Variants in NPTN observed in about 807,000 individuals in gnomAD.
NPTN encodes neuroplastin, also known as SDR-1.
In NPTN, 5 loss-of-function variants were observed where a neutral mutation model predicts 42.7. That is an observed-to-expected ratio of 0.12 (90% CI 0.06 to 0.25). The LOEUF (loss-of-function observed/expected upper bound fraction) is 0.25. Among genes scored for constraint, NPTN ranks in the 10% least tolerant of loss-of-function variants. NPTN has a pLI of 1.00. For synonymous variants in NPTN, 180 were observed against 201.9 expected (o/e 0.89, Z 0.92); for missense variants, 307 against 525.4 (o/e 0.58, Z 4.06).
At chr15:73,562,072 G>A (rs943117149) in intron 7 of NPTN, 102 bp from the exon 8 acceptor site, 2 of 834,422 alleles carry the variant, frequency 2.4e-6, no homozygotes, top group Non-Finnish European at 1.9e-6. Flanking sequence ...TGCCATCCCT[G>A]GTGTAGTGAG....
At chr15:73,567,443 C>T (rs2141354085) in intron 6 of NPTN, 1 of 985,294 alleles carries the variant, frequency 1.0e-6, no homozygotes, top group South Asian at 4.7e-5. Context: ...ATATAATGTA[C>T]CTCTTCGTTT....
chr15:73,583,532 T>C (rs1896164555), intron 4 of NPTN, among the ~76,000 whole-genome samples: 1 of 152,064 alleles, frequency 6.6e-6, no homozygotes, highest in South Asian at 2.1e-4. Context: ...ACAGTAAGTG[T>C]GCAATAATGT....
intron 1 of NPTN, among the ~76,000 whole-genome samples, chr15:73,621,632 G>A (rs1051921331): frequency 2.0e-5 from 3 of 152,168 alleles, no homozygotes; most frequent in Admixed American, 2.0e-4. Context: ...CAGGGCTACT[G>A]CCAAATCCAG....
At chr15:73,591,494 T>G (rs1437018145) in intron 3 of NPTN, 1 of 152,274 alleles carries the variant, frequency 6.6e-6, no homozygotes, top group Non-Finnish European at 1.5e-5. Context: ...TGCTGGTCCT[T>G]ATCAGGTTAC....
At chr15:73,627,895 G>C (rs893440538) in intron 1 of NPTN, among the ~76,000 whole-genome samples, 1 of 151,894 alleles carries the variant, frequency 6.6e-6, no homozygotes. Context: ...AAGAAGTTTT[G>C]TTATGTATAT....
At chr15:73,579,773 G>A (rs1324732314) in intron 4 of NPTN, among the ~76,000 whole-genome samples, 1 of 152,088 alleles carries the variant, frequency 6.6e-6, no homozygotes, top group Non-Finnish European at 1.5e-5. Flanking sequence ...GAGGAACTGA[G>A]GGCCACTGCC....
chr15:73,592,518 T>C (rs1045439015), intron 2 of NPTN, among the ~76,000 whole-genome samples: 1 of 152,182 alleles, frequency 6.6e-6, no homozygotes, highest in Non-Finnish European at 1.5e-5. Flanking sequence ...GGCCATATCA[T>C]TTATATACCT....
At chr15:73,572,822 T>C (rs531000784) in intron 5 of NPTN, among the ~76,000 whole-genome samples, 1 of 152,342 alleles carries the variant, frequency 6.6e-6, no homozygotes, top group African/African-American at 2.4e-5. Context: ...GTTTGGATTT[T>C]GTCTTCACCC....
In NPTN at chr15:73,570,225, G is replaced by A. The variant is rs148367676; in HGVS notation, c.1039C>T (p.Leu347=). The A allele has an allele frequency of 1.1e-3, 1,757 of 1,614,118 alleles. 1 individual carries two copies. Among genetic ancestry groups the A allele is most frequent in the Non-Finnish European group, 1.4e-3 (1,647 of 1,180,014 alleles). Residue 347 remains leucine (L), a synonymous_variant, in exon 6 of 9, where the codon CTG becomes TTG. Transcript: ENST00000345330. The surrounding 1 kb of genome is among the most constrained non-coding windows in gnomAD (Gnocchi z 4.0). ...ACCACAAGGATGATAATTTCAGCCA[G>A]AATTCCCAAGAAAGGCCAGAGTGGG... The part of the protein sequence containing the change: ...LAPLWPFLGI[L]AEIIILVVII...
intron 4 of NPTN, among the ~76,000 whole-genome samples, chr15:73,578,113 A>G (rs1895791932): frequency 1.3e-5 from 2 of 152,130 alleles, no homozygotes; most frequent in Admixed American, 6.6e-5. Flanking sequence ...AGCAAGGAGA[A>G]GAGAGCAGGA....
At chr15:73,580,664 C>A (rs60696711) in intron 4 of NPTN, among the ~76,000 whole-genome samples, 55,415 of 146,542 alleles carry the variant, frequency 0.38, 11,505 homozygotes, top group Admixed American at 0.46. Flanking sequence ...ATATTTGTTA[C>A]CATGTATTAC....
At chr15:73,598,507 T>A (rs983108265) in intron 1 of NPTN, among the ~76,000 whole-genome samples, 3 of 151,678 alleles carry the variant, frequency 2.0e-5, no homozygotes, top group Non-Finnish European at 4.4e-5. Context: ...GTTTAAAAAC[T>A]TGGAGTTAGG....
intron 1 of NPTN, among the ~76,000 whole-genome samples, chr15:73,617,220 CA>C (rs1566988377): frequency 6.6e-6 from 1 of 152,144 alleles, no homozygotes; most frequent in African/African-American, 2.4e-5. Context: ...GGATACACAA[CA>C]AACTACTAAC....
intron 4 of NPTN, among the ~76,000 whole-genome samples, chr15:73,576,430 G>A (rs1895699936): frequency 6.6e-6 from 1 of 152,146 alleles, no homozygotes; most frequent in Non-Finnish European, 1.5e-5. Flanking sequence ...CCGGGTTCAA[G>A]TGATTCTTCT....
chr15:73,569,619 T>C lies in NPTN; in HGVS notation c.1114+531A>G, dbSNP rs1895253344. ...ACCAACCAAGGAACCAAAAGCTGGC[T>C]TGTTCCAATGGCTTTTCTGAGAACA... On this transcript the variant is annotated intron_variant, in intron 6 of 8. Coordinates refer to ENST00000345330, the MANE Select transcript of NPTN (RefSeq NM_012428.4). This position sits in a 1 kb window ranked among gnomAD's most constrained non-coding sequence, Gnocchi z 4.1. 1.0e-6 allele frequency: 1 copy of C among 985,356 alleles called. No individual in the cohort carries two copies. Among genetic ancestry groups the C allele is most frequent in the Non-Finnish European group, 1.2e-6 (1 of 829,938 alleles). The allele number at this position is 985,356 out of a possible 1,614,324, so 61.0% of individuals were successfully genotyped here.
intron 4 of NPTN, among the ~76,000 whole-genome samples, chr15:73,583,201 G>A (rs1389355999): frequency 1.3e-5 from 2 of 152,204 alleles, no homozygotes; most frequent in African/African-American, 4.8e-5. Flanking sequence ...GAAGGGAAGT[G>A]ACTGGTCAGA....
At chr15:73,565,776 A>G (rs775053297) in intron 6 of NPTN, 1 of 456,428 alleles carries the variant, frequency 2.2e-6, no homozygotes, top group South Asian at 1.5e-5. Flanking sequence ...TTACCGGTGG[A>G]ACTGTAGCAC....
intron 1 of NPTN, among the ~76,000 whole-genome samples, chr15:73,627,723 CAATAT>C (rs999492087): frequency 6.6e-6 from 1 of 152,076 alleles, no homozygotes; most frequent in African/African-American, 2.4e-5. Flanking sequence ...CAGTTTCAGA[CAATAT>C]AATAAATTGA....
intron 4 of NPTN, 31 bp downstream of exon 4, chr15:73,587,493 G>A: frequency 6.6e-7 from 1 of 1,515,888 alleles, no homozygotes; most frequent in Non-Finnish European, 9.2e-7. Context: ...GAGAGTGAGA[G>A]GCTCACACCA....
Sources: gnomAD v4.1 joint callset for allele counts (sites outside exome capture counted in the v4.1 genomes callset) on GRCh38, gnomAD v4.1.1 for gene constraint, Gnocchi (gnomAD v3.1) non-coding constraint, MANE v1.5 for transcripts, NCBI Gene and HGNC (gene_info 2026-07-23, HGNC 2026-07-21) for gene names.